The following PTGFR variants were observed in gnomAD, a reference collection of about 807,000 sequenced individuals.
PTGFR encodes the protein prostaglandin F2-alpha receptor.
Under a neutral mutation model 26.2 loss-of-function variants are expected in PTGFR, and 15 were observed. That is an observed-to-expected ratio of 0.57 (90% CI 0.38 to 0.88). The LOEUF is 0.88. Among genes scored for constraint, PTGFR ranks in the 40% least tolerant of loss-of-function variants. The pLI is 0.00. For missense variants in PTGFR, 369 were observed against 427.2 expected (o/e 0.86, Z 1.20); for synonymous variants, 165 against 151.1 (o/e 1.09, Z -0.68).
At chr1:78,505,423 T>C (rs901051814) in intron 2 of PTGFR, among the ~76,000 whole-genome samples, 14 of 152,162 alleles carry the variant, frequency 9.2e-5, no homozygotes, top group Non-Finnish European at 1.8e-4. Flanking sequence ...ACGCCTGGCC[T>C]ATTCTAACTT....
intron 2 of PTGFR, among the ~76,000 whole-genome samples, chr1:78,533,654 G>A (rs1397420120): frequency 6.6e-6 from 1 of 152,184 alleles, no homozygotes; most frequent in Non-Finnish European, 1.5e-5. Flanking sequence ...ATATGCAGAG[G>A]AATGGAAGCA....
At chr1:78,506,307 G>A (rs1649827142) in intron 2 of PTGFR, among the ~76,000 whole-genome samples, 1 of 151,796 alleles carries the variant, frequency 6.6e-6, no homozygotes, top group African/African-American at 2.4e-5. Context: ...ATCTTTTAAT[G>A]TGCTTGTTGG....
At chr1:78,532,909 TTGTAA>T (rs1401815289) in intron 2 of PTGFR, among the ~76,000 whole-genome samples, 1 of 152,156 alleles carries the variant, frequency 6.6e-6, no homozygotes, top group Non-Finnish European at 1.5e-5. Flanking sequence ...AGGTTATTTC[TTGTAA>T]TGTACTATGA....
At chr1:78,529,176 A>C (rs1188348435) in intron 2 of PTGFR, among the ~76,000 whole-genome samples, 2 of 152,196 alleles carry the variant, frequency 1.3e-5, no homozygotes, top group Non-Finnish European at 2.9e-5. Context: ...AATGTGTTAT[A>C]GGAGAGATGG....
chr1:78,505,672 C>T (rs1649812633), intron 2 of PTGFR, among the ~76,000 whole-genome samples: 1 of 152,072 alleles, frequency 6.6e-6, no homozygotes, highest in Non-Finnish European at 1.5e-5. Flanking sequence ...CAAAAGAAAA[C>T]CCTATATCCA....
Position 78,536,693 on chromosome 1 carries a change from T to C in PTGFR, c.*6T>C. The stretch of plus-strand genomic sequence containing the variant: ...AGAAATCAGCAAGCACCTAGCTTAA[T>C]AGGACAGTAAATCTGTGTGGGGCTA... On this transcript the variant is annotated 3_prime_UTR_variant, in exon 3 of 3. Transcript: ENST00000370757. The C allele has an allele frequency of 3.7e-6, 6 of 1,608,804 alleles. No individual in the cohort carries two copies. The highest frequency in any genetic ancestry group is 4.5e-5 in the East Asian group (2 of 44,676).
At chr1:78,535,366 T>C (rs1650621094) in intron 2 of PTGFR, among the ~76,000 whole-genome samples, 1 of 152,168 alleles carries the variant, frequency 6.6e-6, no homozygotes, top group Non-Finnish European at 1.5e-5. Flanking sequence ...TACTTTATTG[T>C]GTAGACAATG....
Position 78,536,438 on chromosome 1 carries a change from T to A in PTGFR, c.831T>A (p.Asn277Lys). The A allele has an allele frequency of 6.2e-7, 1 of 1,612,498 alleles. No homozygotes were observed. The highest frequency in any genetic ancestry group is 8.5e-7 in the Non-Finnish European group (1 of 1,179,310). ...VTMANIGING[N>K]HSLETCETTL... is the part of the protein sequence containing the mutation. ...TGGCCAACATTGGAATAAATGGAAA[T>A]CATTCTCTGGAAACCTGTGAAACAA... Residue 277 changes from asparagine to lysine, a missense_variant, in exon 3 of 3, where the codon AAT becomes AAA. Physicochemically the swap from Asn to Lys is moderately conservative, Grantham distance 94 (BLOSUM62 0). Transcript: ENST00000370757.
chr1:78,537,170 G>A lies in PTGFR; in HGVS notation c.*483G>A, dbSNP rs1048177244. On this transcript the variant is annotated 3_prime_UTR_variant, in exon 3 of 3. Coordinates refer to ENST00000370757, the MANE Select transcript of PTGFR (RefSeq NM_000959.4). ...CATTGTGTAGCCTCAATTAACACAT[G>A]CATGGTCATGACACCCAGAATTCAT... The A allele has an allele frequency of 6.5e-6, 1 of 153,134 alleles. No individual in the cohort carries two copies. Among genetic ancestry groups the A allele is most frequent in the African/African-American group, 2.4e-5 (1 of 41,382 alleles). The allele number at this position is 153,134 out of a possible 1,614,324, so 9.5% of individuals were successfully genotyped here. A position where few individuals can be genotyped will look rare whatever the true frequency, so the allele number is the denominator to read the frequency against.
At chr1:78,508,020 A>G (rs1649867273) in intron 2 of PTGFR, among the ~76,000 whole-genome samples, 2 of 152,090 alleles carry the variant, frequency 1.3e-5, no homozygotes, top group Non-Finnish European at 1.5e-5. Flanking sequence ...GTAGTTACTT[A>G]TGGGATTATC....
chr1:78,540,062 A>G lies in PTGFR; in HGVS notation c.*3375A>G, dbSNP rs1650757176. On this transcript the variant is annotated 3_prime_UTR_variant, in exon 3 of 3. Coordinates refer to ENST00000370757, the MANE Select transcript of PTGFR (RefSeq NM_000959.4). ...ATTACAGCGCCATAAACTTCACAAAAGTTTGTATCTCCCACATGGTTCCTG... is the reference window on the plus strand; with the variant it reads ...ATTACAGCGCCATAAACTTCACAAAGGTTTGTATCTCCCACATGGTTCCTG... 6.6e-6 allele frequency among the ~76,000 whole-genome samples: 1 copy of G among 152,134 alleles called. No homozygotes were observed. The highest frequency in any genetic ancestry group is 3.4e-3 in the Middle Eastern group (1 of 292).
At chr1:78,497,990 A>G (rs1649599880) in intron 2 of PTGFR, 1 of 1,409,422 alleles carries the variant, frequency 7.1e-7, no homozygotes, top group African/African-American at 1.4e-5. Context: ...GTAGAATTGG[A>G]GCTTGATTTT....
At chr1:78,516,541 G>A (rs1289113482) in intron 2 of PTGFR, among the ~76,000 whole-genome samples, 3 of 152,134 alleles carry the variant, frequency 2.0e-5, no homozygotes, top group Admixed American at 6.6e-5. Context: ...TGCTAAACAA[G>A]GGTGCCTTTA....
chr1:78,535,471 T>C (rs1650622870), intron 2 of PTGFR, among the ~76,000 whole-genome samples: 1 of 152,236 alleles, frequency 6.6e-6, no homozygotes, highest in Admixed American at 6.5e-5. Flanking sequence ...CTTGATTTTC[T>C]TTGTATTTGT....
At chr1:78,501,419 T>C (rs775706544) in intron 2 of PTGFR, among the ~76,000 whole-genome samples, 2 of 152,244 alleles carry the variant, frequency 1.3e-5, no homozygotes, top group Non-Finnish European at 2.9e-5. Flanking sequence ...TGTCTTGTGA[T>C]ACTTGTAAAT....
At chr1:78,534,275 T>C (rs1242813813) in intron 2 of PTGFR, among the ~76,000 whole-genome samples, 2 of 152,160 alleles carry the variant, frequency 1.3e-5, no homozygotes, top group East Asian at 3.9e-4. Context: ...TCTCAACGCT[T>C]GTCAGGAGAC....
At chr1:78,510,304 CA>C (rs1363659132) in intron 2 of PTGFR, among the ~76,000 whole-genome samples, 3 of 152,274 alleles carry the variant, frequency 2.0e-5, no homozygotes, top group African/African-American at 7.2e-5. Flanking sequence ...CATGGTTCTG[CA>C]GGTTGTAGAG....
intron 2 of PTGFR, among the ~76,000 whole-genome samples, chr1:78,518,853 G>A (rs1363820870): frequency 3.3e-5 from 5 of 151,948 alleles, no homozygotes; most frequent in Non-Finnish European, 7.4e-5. Context: ...TAAAAAAATC[G>A]AGTACCCTGC....
Position 78,540,372 on chromosome 1 carries a change from A to C in PTGFR, c.*3685A>C, listed in dbSNP as rs1285260889. On this transcript the variant is annotated 3_prime_UTR_variant, in exon 3 of 3. Coordinates refer to ENST00000370757, the MANE Select transcript of PTGFR (RefSeq NM_000959.4). The stretch of plus-strand genomic sequence containing the variant: ...ACTAATGATTTCCACATTAGGTAAA[A>C]AAAATTTTCATTCTTGTCTTCCTAA... 6.6e-6 allele frequency among the ~76,000 whole-genome samples: 1 copy of C among 152,122 alleles called. No individual in the cohort carries two copies. The highest frequency in any genetic ancestry group is 1.5e-5 in the Non-Finnish European group (1 of 68,022).
Sources: allele counts gnomAD v4.1 joint callset (sites outside exome capture counted in the v4.1 genomes callset), GRCh38; gene constraint gnomAD v4.1.1; transcripts MANE v1.5; gene names NCBI Gene and HGNC (gene_info 2026-07-23, HGNC 2026-07-21).